The following PYGO1 variants were observed in gnomAD, a reference collection of about 807,000 sequenced individuals.
The protein encoded by PYGO1 is pygopus family PHD finger 1, also known as pygopus homolog 1.
In PYGO1, 6 loss-of-function variants were observed where a neutral mutation model predicts 29.5. That is an observed-to-expected ratio of 0.20 (90% CI 0.11 to 0.40). PYGO1 has a LOEUF of 0.40. Ranked by LOEUF, PYGO1 falls within the 10% of genes least tolerant of loss-of-function variation. PYGO1 has a pLI of 1.00. For missense variants in PYGO1, 515 were observed against 514.9 expected (o/e 1.00, Z 0.00); for synonymous variants, 186 against 180.5 (o/e 1.03, Z -0.24).
intron 1 of PYGO1, among the ~76,000 whole-genome samples, chr15:55,557,962 T>C (rs568974232): frequency 6.6e-6 from 1 of 152,160 alleles, no homozygotes; most frequent in Non-Finnish European, 1.5e-5. Context: ...TTACCACTCC[T>C]ATTCAACACA....
Position 55,553,961 on chromosome 15 carries a change from AAAAC to A in PYGO1, c.50-4970_50-4967del, listed in dbSNP as rs533488129. ...GAAGTATGGCCTGAATGTTAAAAGA[AAAAC>A]AAACAAACAGAAGCAATGTCAACAA... On this transcript the variant is annotated intron_variant, in intron 1 of 2. Coordinates refer to ENST00000563719, the MANE Select transcript of PYGO1 (RefSeq NM_001367806.1). 1.0e-3 allele frequency among the ~76,000 whole-genome samples: 152 copies of A among 152,308 alleles called. 2 individuals carry two copies. The South Asian group carries it at 0.03, about 30-fold the overall frequency.
Position 55,544,261 on chromosome 15 carries a change from T to A in PYGO1, c.*1762A>T, listed in dbSNP as rs536151302. The A allele has an allele frequency of 1.3e-5, 2 of 152,204 alleles. No individual in the cohort carries two copies. The highest frequency in any genetic ancestry group is 2.9e-5 in the Non-Finnish European group (2 of 68,020). The allele number at this position is 152,204 out of a possible 1,614,324, so 9.4% of individuals were successfully genotyped here. On this transcript the variant is annotated 3_prime_UTR_variant, in exon 3 of 3. Coordinates refer to ENST00000563719, the MANE Select transcript of PYGO1 (RefSeq NM_001367806.1). ...TCAAAATATGCATCAGGAGCATGAATAGTTTTCTTCCAACAGAATATTAAA... is the reference window on the plus strand; with the variant it reads ...TCAAAATATGCATCAGGAGCATGAAAAGTTTTCTTCCAACAGAATATTAAA...
chr15:55,556,898 G>A (rs1226039727), intron 1 of PYGO1, among the ~76,000 whole-genome samples: 3 of 151,602 alleles, frequency 2.0e-5, no homozygotes, highest in East Asian at 3.9e-4. Flanking sequence ...AAAAAAAACT[G>A]GAACAAATAA....
At chr15:55,587,481 C>T (rs4561397) in intron 1 of PYGO1, among the ~76,000 whole-genome samples, 150,774 of 151,798 alleles carry the variant, frequency 0.99, 74,890 homozygotes, top group East Asian at 1. Flanking sequence ...GGGGTGGGCA[C>T]CGTTCGAGGT....
chr15:55,574,181 G>A (rs1238323895), intron 1 of PYGO1, among the ~76,000 whole-genome samples: 1 of 152,176 alleles, frequency 6.6e-6, no homozygotes, highest in Non-Finnish European at 1.5e-5. Flanking sequence ...TTACTGTGAT[G>A]TGCAATTTAT....
chr15:55,588,902 C>CACCT, upstream of PYGO1: 1 of 1,580,382 alleles, frequency 6.3e-7, no homozygotes, highest in Non-Finnish European at 8.7e-7. Context: ...GTGGTGTGGA[C>CACCT]ACCTGTCTGT....
At position 55,571,612 on chromosome 15, in the gene PYGO1, G is replaced by A. The variant is rs373042313; in HGVS notation, c.49+16223C>T. 8.5e-5 allele frequency among the ~76,000 whole-genome samples: 13 copies of A among 152,278 alleles called. No homozygotes were observed. The East Asian group carries it at 1.4e-3, about 16-fold the overall frequency. On this transcript the variant is annotated intron_variant, in intron 1 of 2. Coordinates refer to ENST00000563719, the MANE Select transcript of PYGO1 (RefSeq NM_001367806.1). ...TCTCTCTTTGCCTGCCACCATCCAC[G>A]TGAGATGTGACTTGCTCCACCTTGC... is the stretch of plus-strand genomic sequence containing the variant.
intron 1 of PYGO1, among the ~76,000 whole-genome samples, chr15:55,582,281 G>A (rs1008103834): frequency 6.6e-6 from 1 of 151,836 alleles, no homozygotes; most frequent in African/African-American, 2.4e-5. Context: ...AGTAGGGGAT[G>A]GATAAAGATG....
chr15:55,551,790 G>A (rs935880666), intron 1 of PYGO1, among the ~76,000 whole-genome samples: 8 of 152,032 alleles, frequency 5.3e-5, no homozygotes, highest in African/African-American at 1.4e-4. Context: ...CTGGGCAACA[G>A]AGCAAGACCC....
In PYGO1 at chr15:55,541,195, T is replaced by TA. The variant is rs2058826836; in HGVS notation, c.*4827dup. The TA allele has an allele frequency of 6.6e-6, 1 of 152,240 alleles. No individual in the cohort carries two copies. Among genetic ancestry groups the TA allele is most frequent in the African/African-American group, 2.4e-5 (1 of 41,468 alleles). The allele number at this position is 152,240 out of a possible 1,614,324, so 9.4% of individuals were successfully genotyped here. A position where few individuals can be genotyped will look rare whatever the true frequency, so the allele number is the denominator to read the frequency against. ...GCCACAGTCTTTCCTTCATTTCCCC[T>TA]ATACCACTTGTCTTGGGAGATGTTA... On this transcript the variant is annotated 3_prime_UTR_variant, in exon 3 of 3. Coordinates refer to ENST00000563719, the MANE Select transcript of PYGO1 (RefSeq NM_001367806.1).
At chr15:55,554,127 TCTC>T (rs1056191424) in intron 1 of PYGO1, among the ~76,000 whole-genome samples, 7 of 152,168 alleles carry the variant, frequency 4.6e-5, no homozygotes, top group African/African-American at 9.6e-5. Flanking sequence ...GAGTGCCTCT[TCTC>T]CTCCTAATGA....
rs774663751 is a variant in PYGO1 at position 55,546,562 on chromosome 15, A to C, written c.721T>G (p.Phe241Val). ...GTGTTTTTGGTTGCTCCTTGAGTAA[A>C]GTCTTGTTTTGGGGGTGGTGCTTTT... ...QAKAPPPKQD[F>V]TQGATKNTNQ... Residue 241 changes from phenylalanine to valine, a missense_variant, in exon 3 of 3, where the codon TTT (phenylalanine) becomes GTT (valine). Phe to Val is a conservative substitution (Grantham distance 50). Coordinates refer to ENST00000563719, the MANE Select transcript of PYGO1 (RefSeq NM_001367806.1). 163 of 1,613,846 alleles carry C rather than the reference A, an allele frequency of 1.0e-4. No homozygotes were observed. The highest frequency in any genetic ancestry group is 1.3e-4 in the Non-Finnish European group (149 of 1,180,010).
At chr15:55,567,100 T>C (rs148972689) in intron 1 of PYGO1, among the ~76,000 whole-genome samples, 84 of 152,140 alleles carry the variant, frequency 5.5e-4, no homozygotes, top group African/African-American at 1.9e-3. Context: ...GGTTTTGATT[T>C]GCATTTCTCT....
chr15:55,587,951 G>GCTC lies in PYGO1; in HGVS notation c.-71_-69dup. Reference sequence around the variant, plus strand: ...CGGTCTCTTTGATGCTGCGGCGGCGGCTCCTCCTCCTCGCGGGGCCGCTGC... The same window carrying GCTC: ...CGGTCTCTTTGATGCTGCGGCGGCGGCTCCTCCTCCTCCTCGCGGGGCCGCTGC... On this transcript the variant is annotated 5_prime_UTR_variant, in exon 1 of 3. Transcript: ENST00000563719. The GCTC allele has an allele frequency of 6.9e-7, 1 of 1,441,678 alleles. No homozygotes were observed. Among genetic ancestry groups the GCTC allele is most frequent in the Non-Finnish European group, 9.1e-7 (1 of 1,092,962 alleles). 89.3% of individuals were successfully genotyped at this position (1,441,678 alleles called of 1,614,324 possible). A position where few individuals can be genotyped will look rare whatever the true frequency, so the allele number is the denominator to read the frequency against.
rs773195721 is a variant in PYGO1, at chr15:55,546,551, T to C, written c.732A>G (p.Gly244=). 1 of 1,614,158 alleles carries C rather than the reference T, an allele frequency of 6.2e-7. No homozygotes were observed. Residue 244 remains glycine, a synonymous_variant, in exon 3 of 3, where the codon GGA becomes GGG. Transcript: ENST00000563719. ...AATTTTGATTAGTGTTTTTGGTTGC[T>C]CCTTGAGTAAAGTCTTGTTTTGGGG... ...APPPKQDFTQ[G]ATKNTNQNSS... is the part of the protein sequence containing the mutation.
intron 1 of PYGO1, among the ~76,000 whole-genome samples, chr15:55,571,555 G>A (rs1029538299): frequency 6.6e-6 from 1 of 152,028 alleles, no homozygotes; most frequent in Non-Finnish European, 1.5e-5. Context: ...GAGATCTGAC[G>A]GTTTTACAAA....
chr15:55,560,900 C>T (rs143192545), intron 1 of PYGO1, among the ~76,000 whole-genome samples: 4,339 of 152,196 alleles, frequency 0.029, 87 homozygotes, highest in Middle Eastern at 0.13. Flanking sequence ...TTGCAGTGAG[C>T]CGAGATCATG....
At position 55,544,214 on chromosome 15, in the gene PYGO1, TA is replaced by T. The variant is rs1488624499; in HGVS notation, c.*1808del. On this transcript the variant is annotated 3_prime_UTR_variant, in exon 3 of 3. Coordinates refer to ENST00000563719, the MANE Select transcript of PYGO1 (RefSeq NM_001367806.1). ...TAGGTCAAAATTAAAACAATGTATT[TA>T]AAAAAATAAGTTTTATTCAATCAAA... is the stretch of plus-strand genomic sequence containing the variant. 6.6e-6 allele frequency: 1 copy of T among 152,110 alleles called. No homozygotes were observed. The highest frequency in any genetic ancestry group is 1.9e-4 in the East Asian group (1 of 5,198). The allele number at this position is 152,110 out of a possible 1,614,324, so 9.4% of individuals were successfully genotyped here.
intron 1 of PYGO1, among the ~76,000 whole-genome samples, chr15:55,573,609 A>T (rs2058989116): frequency 6.6e-6 from 1 of 152,194 alleles, no homozygotes; most frequent in South Asian, 2.1e-4. Flanking sequence ...CAATGGGTGC[A>T]TATAGTTGAT....
Sources: allele counts gnomAD v4.1 joint callset (sites outside exome capture counted in the v4.1 genomes callset), GRCh38; gene constraint gnomAD v4.1.1; transcripts MANE v1.5; gene names NCBI Gene and HGNC (gene_info 2026-07-23, HGNC 2026-07-21).